Variants in ANK2 observed in about 807,000 individuals in gnomAD.
ANK2 encodes ankyrin-2.
ANK2 carries 83 observed loss-of-function variants against 360.5 expected under a neutral mutation model. That is an observed-to-expected ratio of 0.23 (90% CI 0.19 to 0.28). The LOEUF (loss-of-function observed/expected upper bound fraction) is 0.28, where lower values mean the gene tolerates loss of function less well. Among genes scored for constraint, ANK2 ranks in the 10% least tolerant of loss-of-function variants. The pLI is 1.00. For synonymous variants in ANK2, 1,740 were observed against 1,759.5 expected (o/e 0.99, Z 0.28); for missense variants, 4,201 against 4,795.7 (o/e 0.88, Z 3.66).
At chr4:113,088,952 C>T (rs941343049) in intron 1 of ANK2, among the ~76,000 whole-genome samples, 1 of 152,172 alleles carries the variant, frequency 6.6e-6, no homozygotes, top group East Asian at 1.9e-4. Context: ...AGTTAATTAT[C>T]ACAACATAAC....
At chr4:113,068,330 G>C (rs2076331614) in intron 1 of ANK2, among the ~76,000 whole-genome samples, 1 of 152,168 alleles carries the variant, frequency 6.6e-6, no homozygotes, top group African/African-American at 2.4e-5. Context: ...TAGTGACTTT[G>C]TTAAGTTTAA....
chr4:112,886,307 T>G (rs1302282955), intron 1 of ANK2, among the ~76,000 whole-genome samples: 2 of 152,080 alleles, frequency 1.3e-5, no homozygotes, highest in Non-Finnish European at 2.9e-5. Context: ...GTACCTTAAG[T>G]GTTCTGTTGA....
chr4:113,121,861 T>C (rs973466208), intron 1 of ANK2, among the ~76,000 whole-genome samples: 2 of 151,404 alleles, frequency 1.3e-5, no homozygotes, highest in African/African-American at 4.9e-5. Context: ...TGGGGAAATC[T>C]CCCCCCCCAC....
At chr4:112,738,395 AGAGT>A in the ANK2 span, among the ~76,000 whole-genome samples, 2 of 149,612 alleles carry the variant, frequency 1.3e-5, no homozygotes, top group Non-Finnish European at 3.0e-5. Flanking sequence ...CTGGGCAACA[AGAGT>A]GAGAGTCTGT....
At chr4:113,180,840 A>G (rs572252908) in intron 2 of ANK2, among the ~76,000 whole-genome samples, 1 of 152,304 alleles carries the variant, frequency 6.6e-6, no homozygotes, top group Non-Finnish European at 1.5e-5. Context: ...ATATAGCTAA[A>G]TGCTTATTAT....
chr4:112,938,921 C>T (rs2093977712), intron 2 of ANK2, among the ~76,000 whole-genome samples: 1 of 152,150 alleles, frequency 6.6e-6, no homozygotes, highest in Non-Finnish European at 1.5e-5. Flanking sequence ...CAGTACCTGC[C>T]ACATAGCAGG....
chr4:113,052,581 T>C (rs2067565684), intron 1 of ANK2, among the ~76,000 whole-genome samples: 1 of 152,186 alleles, frequency 6.6e-6, no homozygotes, highest in Non-Finnish European at 1.5e-5. Flanking sequence ...CAAGGAGGAA[T>C]TTATTTATGT....
At chr4:112,754,490 G>T in the ANK2 span, among the ~76,000 whole-genome samples, 2 of 138,204 alleles carry the variant, frequency 1.4e-5, no homozygotes, top group Non-Finnish European at 3.0e-5. Flanking sequence ...TGTTTTTGTT[G>T]TTTGTATTGT....
At chr4:112,911,111 C>T (rs7695323) in intron 2 of ANK2, among the ~76,000 whole-genome samples, 155 of 150,500 alleles carry the variant, frequency 1.0e-3, no homozygotes, top group African/African-American at 3.7e-3. Flanking sequence ...GCATGAGCCA[C>T]CATGCCCAGC....
intron 2 of ANK2, among the ~76,000 whole-genome samples, chr4:112,977,574 T>TA (rs1254196333): frequency 6.6e-6 from 1 of 151,714 alleles, no homozygotes; most frequent in Admixed American, 6.6e-5. Flanking sequence ...TATTTTATTT[T>TA]TTTTTTTTAC....
chr4:112,767,599 A>AATAAATAG, the ANK2 span, among the ~76,000 whole-genome samples: 1 of 151,804 alleles, frequency 6.6e-6, no homozygotes, highest in Non-Finnish European at 1.5e-5. Context: ...TAAATAAATA[A>AATAAATAG]TAAAACATGG....
At chr4:112,846,321 A>G (rs2063293334) in intron 1 of ANK2, among the ~76,000 whole-genome samples, 2 of 152,062 alleles carry the variant, frequency 1.3e-5, no homozygotes, top group Non-Finnish European at 2.9e-5. Flanking sequence ...TACGTTGCCC[A>G]GGCTGGCCTC....
At chr4:113,072,905 C>T (rs990652728) in intron 1 of ANK2, among the ~76,000 whole-genome samples, 6 of 149,126 alleles carry the variant, frequency 4.0e-5, no homozygotes, top group Admixed American at 2.0e-4. Flanking sequence ...TTATATTGTG[C>T]CATTAGTAGA....
intron 2 of ANK2, among the ~76,000 whole-genome samples, chr4:112,964,602 G>A (rs760943707): frequency 1.1e-4 from 15 of 140,598 alleles, no homozygotes; most frequent in African/African-American, 2.7e-4. Context: ...ACAGAGTCTC[G>A]CTCTGTTGCC....
chr4:113,219,628 T>A (rs934896171), intron 4 of ANK2, among the ~76,000 whole-genome samples: 2 of 152,156 alleles, frequency 1.3e-5, no homozygotes, highest in Admixed American at 6.5e-5. Context: ...CTGAAAATGA[T>A]CCACCTGCTT....
intron 2 of ANK2, among the ~76,000 whole-genome samples, chr4:112,918,091 C>T (rs1285330869): frequency 1.3e-5 from 2 of 152,138 alleles, no homozygotes; most frequent in African/African-American, 4.8e-5. Context: ...CCTGTCAGTT[C>T]TTTACTTATG....
intron 1 of ANK2, among the ~76,000 whole-genome samples, chr4:113,169,179 C>G (rs535861334): frequency 6.6e-6 from 1 of 152,270 alleles, no homozygotes; most frequent in East Asian, 1.9e-4. Flanking sequence ...GGTAAGCATG[C>G]TCAAATCATC....
At chr4:113,017,320 T>C (rs2056898498) in intron 2 of ANK2, among the ~76,000 whole-genome samples, 1 of 152,088 alleles carries the variant, frequency 6.6e-6, no homozygotes, top group Admixed American at 6.6e-5. Context: ...TTATCTATTT[T>C]GTGAACATTA....
At chr4:112,723,222 A>G in the ANK2 span, among the ~76,000 whole-genome samples, 38 of 152,188 alleles carry the variant, frequency 2.5e-4, no homozygotes, top group Non-Finnish European at 4.1e-4. Flanking sequence ...TAGTTTCATT[A>G]CTGCAGTGGA....
Sources: allele counts gnomAD v4.1 joint callset (sites outside exome capture counted in the v4.1 genomes callset), GRCh38; gene constraint gnomAD v4.1.1; transcripts MANE v1.5; gene names NCBI Gene and HGNC (gene_info 2026-07-23, HGNC 2026-07-21).